Variants in BLTP3A observed in about 807,000 individuals in gnomAD.
BLTP3A encodes the protein ICBP90 binding protein 1.
At chr6:34,876,696 T>C in the BLTP3A span, 1 of 152,356 alleles carries the variant, frequency 6.6e-6, no homozygotes, top group African/African-American at 2.4e-5. Flanking sequence ...AGAGAGAATC[T>C]GGTGTGAAGC....
the BLTP3A span, chr6:34,834,973 A>G: frequency 1.5e-6 from 2 of 1,318,768 alleles, no homozygotes; most frequent in Admixed American, 4.9e-5. Flanking sequence ...ATGACAGTTG[A>G]AGGGGGAAGG....
the BLTP3A span, chr6:34,877,073 A>T: frequency 6.6e-6 from 1 of 152,628 alleles, no homozygotes; most frequent in Non-Finnish European, 1.5e-5. Context: ...TAAAGCATTT[A>T]TTTGTGGAAT....
chr6:34,817,604 G>A, the BLTP3A span, among the ~76,000 whole-genome samples: 9 of 152,138 alleles, frequency 5.9e-5, no homozygotes, highest in African/African-American at 2.2e-4. Context: ...CTTGCCTCCA[G>A]AGTCCTGTGG....
chr6:34,838,672 C>T, the BLTP3A span, among the ~76,000 whole-genome samples: 169 of 152,302 alleles, frequency 1.1e-3, 1 homozygote, highest in East Asian at 9.1e-3. Flanking sequence ...AGGCTGGGCA[C>T]GATGACTTAC....
the BLTP3A span, chr6:34,821,861 C>T: frequency 6.2e-7 from 1 of 1,613,988 alleles, no homozygotes; most frequent in East Asian, 2.2e-5. Context: ...GGCCAGTAGG[C>T]CTGCTTTCTG....
the BLTP3A span, chr6:34,856,493 T>C: frequency 2.0e-6 from 3 of 1,497,996 alleles, no homozygotes; most frequent in African/African-American, 4.2e-5. Context: ...AAGCAAGAAC[T>C]AGCTAATTAT....
the BLTP3A span, chr6:34,834,862 G>T: frequency 6.2e-7 from 1 of 1,612,586 alleles, no homozygotes. Context: ...CAAAAGAAGA[G>T]TAAGTGTGTT....
the BLTP3A span, among the ~76,000 whole-genome samples, chr6:34,826,530 T>C: frequency 6.6e-6 from 1 of 152,090 alleles, no homozygotes; most frequent in Non-Finnish European, 1.5e-5. Context: ...AATTAATTTT[T>C]AAATATTTTG....
chr6:34,869,026 GAC>G, the BLTP3A span, among the ~76,000 whole-genome samples: 2 of 150,966 alleles, frequency 1.3e-5, no homozygotes, highest in Non-Finnish European at 2.9e-5. Flanking sequence ...TTTTTTTTGA[GAC>G]ACAGTCTTGC....
chr6:34,860,303 A>G, the BLTP3A span, among the ~76,000 whole-genome samples: 1 of 152,228 alleles, frequency 6.6e-6, no homozygotes, highest in Non-Finnish European at 1.5e-5. Context: ...ACAGAAATGC[A>G]CAGTGAGACG....
the BLTP3A span, among the ~76,000 whole-genome samples, chr6:34,822,440 C>T: frequency 0.017 from 2,521 of 152,104 alleles, 76 homozygotes; most frequent in African/African-American, 0.054. Flanking sequence ...GGTTTTGCCA[C>T]GTTGGCTAGG....
the BLTP3A span, among the ~76,000 whole-genome samples, chr6:34,812,960 T>A: frequency 1.3e-5 from 2 of 152,224 alleles, no homozygotes; most frequent in African/African-American, 4.8e-5. Flanking sequence ...GTGGTGTGGC[T>A]TAGTAGTGAA....
chr6:34,804,018 C>T, the BLTP3A span, among the ~76,000 whole-genome samples: 2 of 152,132 alleles, frequency 1.3e-5, no homozygotes, highest in South Asian at 2.1e-4. Context: ...GCGGCTGATA[C>T]GAAATTAGAG....
the BLTP3A span, chr6:34,834,655 TGGAC>T: frequency 5.1e-6 from 8 of 1,576,124 alleles, no homozygotes; most frequent in Admixed American, 1.1e-4. Context: ...CTTTTTTCCT[TGGAC>T]TTCTTGCTTC....
At chr6:34,824,629 T>A in the BLTP3A span, among the ~76,000 whole-genome samples, 1 of 151,738 alleles carries the variant, frequency 6.6e-6, no homozygotes, top group Non-Finnish European at 1.5e-5. Flanking sequence ...TTTCCTGGAT[T>A]ATCTCTAAAA....
chr6:34,859,168 A>T, the BLTP3A span: 2 of 1,614,064 alleles, frequency 1.2e-6, no homozygotes, highest in African/African-American at 2.7e-5. Context: ...GGAAAGTAGC[A>T]TTGAAAATCA....
the BLTP3A span, chr6:34,870,758 C>T: frequency 2.1e-6 from 3 of 1,441,554 alleles, no homozygotes; most frequent in Non-Finnish European, 2.8e-6. Flanking sequence ...TGATGATATT[C>T]CTTTGACATA....
chr6:34,847,784 TA>T, the BLTP3A span, among the ~76,000 whole-genome samples: 4 of 151,270 alleles, frequency 2.6e-5, no homozygotes, highest in Admixed American at 1.3e-4. Flanking sequence ...CAATTTCATT[TA>T]TTTCTGCTTG....
the BLTP3A span, chr6:34,858,584 T>G: frequency 1.2e-6 from 2 of 1,614,048 alleles, no homozygotes; most frequent in African/African-American, 2.7e-5. Context: ...CGGAAGCTTC[T>G]TTTGGCCTCA....
Sources: gnomAD v4.1 joint callset for allele counts (sites outside exome capture counted in the v4.1 genomes callset) on GRCh38, gnomAD v4.1.1 for gene constraint, MANE v1.5 for transcripts, NCBI Gene and HGNC (gene_info 2026-07-23, HGNC 2026-07-21) for gene names.